PKP4: variants seen among roughly 807,000 people sequenced by gnomAD.
PKP4 encodes the protein plakophilin-4.
A neutral mutation model predicts 145.1 loss-of-function variants in PKP4; 90 were observed. The observed-to-expected ratio is 0.62, with a 90% CI of 0.52 to 0.74. PKP4 has a LOEUF of 0.74. PKP4 is among the 30% of genes least tolerant of loss of function. The pLI is 0.00. For synonymous variants in PKP4, 563 were observed against 577.2 expected (o/e 0.98, Z 0.35); for missense variants, 1,340 against 1,482.7 (o/e 0.90, Z 1.58).
At chr2:158,467,861 T>TA (rs1198765066) in intron 1 of PKP4, among the ~76,000 whole-genome samples, 1 of 151,814 alleles carries the variant, frequency 6.6e-6, no homozygotes, top group Non-Finnish European at 1.5e-5. Flanking sequence ...AATAAAAAAA[T>TA]AAAAAAAGAA....
chr2:158,518,197 C>A (rs1489099275), intron 1 of PKP4, among the ~76,000 whole-genome samples: 1 of 152,222 alleles, frequency 6.6e-6, no homozygotes, highest in Non-Finnish European at 1.5e-5. Flanking sequence ...GCCTGTCTTA[C>A]ATATTCTGAG....
intron 4 of PKP4, among the ~76,000 whole-genome samples, chr2:158,604,613 C>T (rs2105853777): frequency 6.6e-6 from 1 of 151,562 alleles, no homozygotes; most frequent in Admixed American, 6.6e-5. Context: ...TGAGGTTTTG[C>T]GTTTGGGAGG....
chr2:158,569,779 C>G (rs2047276604), intron 2 of PKP4, among the ~76,000 whole-genome samples: 1 of 152,054 alleles, frequency 6.6e-6, no homozygotes, highest in Admixed American at 6.5e-5. Flanking sequence ...CTGGGTTAAA[C>G]AAAGGTAATC....
chr2:158,501,548 C>G (rs1034356050), intron 1 of PKP4, among the ~76,000 whole-genome samples: 1 of 152,212 alleles, frequency 6.6e-6, no homozygotes, highest in Non-Finnish European at 1.5e-5. Flanking sequence ...TGACATCCAT[C>G]CACAGCACAT....
chr2:158,602,435 G>C (rs549868341), intron 3 of PKP4, among the ~76,000 whole-genome samples: 2 of 152,272 alleles, frequency 1.3e-5, no homozygotes, highest in East Asian at 3.9e-4. Context: ...CACTGTCCCT[G>C]TAACACCATG....
chr2:158,548,223 A>G (rs1380565545), intron 2 of PKP4, among the ~76,000 whole-genome samples: 1 of 152,206 alleles, frequency 6.6e-6, no homozygotes, highest in East Asian at 1.9e-4. Flanking sequence ...TATGGAAATA[A>G]CATCTTATGC....
intron 7 of PKP4, among the ~76,000 whole-genome samples, chr2:158,629,222 T>C (rs1376248408): frequency 6.6e-6 from 1 of 152,192 alleles, no homozygotes; most frequent in Admixed American, 6.5e-5. Context: ...TGTGCTTACC[T>C]TCCTCTTTAA....
chr2:158,630,678 T>C (rs970770663), intron 7 of PKP4, among the ~76,000 whole-genome samples: 7 of 152,236 alleles, frequency 4.6e-5, no homozygotes, highest in Admixed American at 4.6e-4. Context: ...TGGTGGGCTT[T>C]GTGCCCAGAG....
At chr2:158,585,244 C>T (rs2048704726) in intron 3 of PKP4, among the ~76,000 whole-genome samples, 1 of 152,142 alleles carries the variant, frequency 6.6e-6, no homozygotes, top group Non-Finnish European at 1.5e-5. Context: ...ACTTCAAAGT[C>T]TTCCCAAGAT....
At chr2:158,470,636 C>G (rs1478424970) in intron 1 of PKP4, among the ~76,000 whole-genome samples, 2 of 152,176 alleles carry the variant, frequency 1.3e-5, no homozygotes, top group South Asian at 2.1e-4. Context: ...AAAGGCATCT[C>G]CAAGGTTGGA....
intron 4 of PKP4, among the ~76,000 whole-genome samples, chr2:158,605,617 A>T (rs2050593905): frequency 6.6e-6 from 1 of 152,076 alleles, no homozygotes; most frequent in African/African-American, 2.4e-5. Flanking sequence ...TAATATACAA[A>T]TTTCTTTATT....
At chr2:158,477,233 T>G (rs80216255) in intron 1 of PKP4, among the ~76,000 whole-genome samples, 1 of 150,610 alleles carries the variant, frequency 6.6e-6, no homozygotes, top group African/African-American at 2.4e-5. Context: ...TGCAGTTCTT[T>G]CCTTTTACAG....
At chr2:158,560,079 G>A (rs1375690275) in intron 2 of PKP4, among the ~76,000 whole-genome samples, 2 of 151,966 alleles carry the variant, frequency 1.3e-5, no homozygotes, top group Non-Finnish European at 2.9e-5. Context: ...GTTGGCCAGG[G>A]TGGTCTTGAA....
At chr2:158,462,536 T>C (rs1689929223) in intron 1 of PKP4, among the ~76,000 whole-genome samples, 1 of 152,216 alleles carries the variant, frequency 6.6e-6, no homozygotes, top group Non-Finnish European at 1.5e-5. Flanking sequence ...TTTAAAACAA[T>C]ATCATTTTGG....
chr2:158,502,873 A>G (rs891318716), intron 1 of PKP4, among the ~76,000 whole-genome samples: 4 of 152,208 alleles, frequency 2.6e-5, no homozygotes, highest in African/African-American at 7.2e-5. Flanking sequence ...AAGAATAGTA[A>G]GTTCTCTCTG....
intron 1 of PKP4, among the ~76,000 whole-genome samples, chr2:158,505,459 G>A (rs1160609482): frequency 6.6e-6 from 1 of 152,126 alleles, no homozygotes; most frequent in East Asian, 1.9e-4. Flanking sequence ...ATTTGTCCAG[G>A]GCTTCTCCGA....
At chr2:158,663,149 A>C (rs2056762129) in intron 14 of PKP4, 61 bp downstream of exon 14, 6 of 1,518,950 alleles carry the variant, frequency 4.0e-6, no homozygotes. Context: ...GAGGAATCAC[A>C]TATTTGGCAA....
chr2:158,622,898 T>C (rs1435083581), intron 6 of PKP4, among the ~76,000 whole-genome samples: 2 of 152,224 alleles, frequency 1.3e-5, no homozygotes, highest in African/African-American at 4.8e-5. Context: ...GAAATCACAC[T>C]TTTCAACAGC....
At chr2:158,554,106 C>G (rs962394077) in intron 2 of PKP4, among the ~76,000 whole-genome samples, 16 of 150,208 alleles carry the variant, frequency 1.1e-4, no homozygotes, top group Admixed American at 6.0e-4. Flanking sequence ...CGGTTGTTGC[C>G]TGCCTTTACA....
Sources: gnomAD v4.1 joint callset for allele counts (sites outside exome capture counted in the v4.1 genomes callset) on GRCh38, gnomAD v4.1.1 for gene constraint, MANE v1.5 for transcripts, NCBI Gene and HGNC (gene_info 2026-07-23, HGNC 2026-07-21) for gene names.